Variants in RUVBL1 observed in about 807,000 individuals in gnomAD.
The protein encoded by RUVBL1 is ruvB-like 1.
A neutral mutation model predicts 52.4 loss-of-function variants in RUVBL1; 4 were observed. That is an observed-to-expected ratio of 0.08 (90% CI 0.04 to 0.17). RUVBL1 has a LOEUF of 0.17. RUVBL1 is among the 10% of genes least tolerant of loss of function. The pLI, the probability that RUVBL1 is intolerant of heterozygous loss-of-function variation, is 1.00. For missense variants in RUVBL1, 298 were observed against 572.8 expected, an observed-to-expected ratio of 0.52 and a Z score of 4.90; for synonymous variants, 217 against 214.4, an observed-to-expected ratio of 1.01 and a Z score of -0.10.
chr3:128,102,808 A>T (rs1406564407), intron 4 of RUVBL1, among the ~76,000 whole-genome samples: 2 of 152,228 alleles, frequency 1.3e-5, no homozygotes, highest in African/African-American at 4.8e-5. Flanking sequence ...GTATACTTAA[A>T]ATGGGTGAGT....
chr3:128,102,706 T>G (rs1943133334), intron 4 of RUVBL1, among the ~76,000 whole-genome samples: 1 of 152,218 alleles, frequency 6.6e-6, no homozygotes, highest in African/African-American at 2.4e-5. Context: ...TGTAAATGAG[T>G]AGGAGGATTC....
intron 1 of RUVBL1, among the ~76,000 whole-genome samples, chr3:128,149,777 G>C (rs963286990): frequency 1.3e-5 from 2 of 152,212 alleles, no homozygotes; most frequent in Non-Finnish European, 2.9e-5. Flanking sequence ...CAAGGAGGGA[G>C]ACTTCGGTGA....
intron 3 of RUVBL1, among the ~76,000 whole-genome samples, chr3:128,108,965 C>T (rs1196213427): frequency 6.6e-6 from 1 of 152,164 alleles, no homozygotes; most frequent in Non-Finnish European, 1.5e-5. Context: ...ACAAGGAACA[C>T]ATAAAGTATG....
chr3:128,118,445 G>A (rs1576473785), intron 2 of RUVBL1, among the ~76,000 whole-genome samples: 2 of 152,152 alleles, frequency 1.3e-5, no homozygotes, highest in Non-Finnish European at 1.5e-5. Context: ...AAAAGTTAAG[G>A]GACCTGCCTC....
chr3:128,151,059 TTA>T (rs1193183632), intron 1 of RUVBL1, among the ~76,000 whole-genome samples: 3 of 106,890 alleles, frequency 2.8e-5, no homozygotes, highest in African/African-American at 7.7e-5. Context: ...TCTATATATA[TTA>T]TATGTTCTCT....
upstream of RUVBL1, among the ~76,000 whole-genome samples, chr3:128,125,778 G>C (rs1467929866): frequency 6.6e-6 from 1 of 152,196 alleles, no homozygotes; most frequent in Non-Finnish European, 1.5e-5. Context: ...ACCCCACAAA[G>C]TTGCTTAGCC....
chr3:128,099,986 G>A (rs1943075523), intron 6 of RUVBL1, among the ~76,000 whole-genome samples: 1 of 152,182 alleles, frequency 6.6e-6, no homozygotes, highest in African/African-American at 2.4e-5. Flanking sequence ...TGAGTCTTCA[G>A]TAATCTCTTG....
upstream of RUVBL1, among the ~76,000 whole-genome samples, chr3:128,128,194 G>A (rs1441482647): frequency 6.6e-6 from 1 of 152,078 alleles, no homozygotes; most frequent in Non-Finnish European, 1.5e-5. Flanking sequence ...TGCTGTGTTG[G>A]CTAAGCTGGT....
At chr3:128,086,664 T>C (rs1218783447) in intron 9 of RUVBL1, among the ~76,000 whole-genome samples, 1 of 152,212 alleles carries the variant, frequency 6.6e-6, no homozygotes, top group Non-Finnish European at 1.5e-5. Flanking sequence ...CATCCTGCAC[T>C]TACAGCTCCA....
At chr3:128,124,306 C>T (rs1245361900), upstream of RUVBL1, among the ~76,000 whole-genome samples, 12 of 152,052 alleles carry the variant, frequency 7.9e-5, no homozygotes, top group Admixed American at 7.9e-4. Flanking sequence ...CCTCCATCCT[C>T]CACCGAGAGA....
chr3:128,074,820 C>T (rs1244507250), intron 9 of RUVBL1, among the ~76,000 whole-genome samples: 2 of 106,772 alleles, frequency 1.9e-5, no homozygotes, highest in Admixed American at 1.5e-4. Flanking sequence ...CCAGCCTGGG[C>T]AACAGGAGCG....
chr3:128,140,567 T>C (rs193266929), intron 1 of RUVBL1, among the ~76,000 whole-genome samples: 1 of 152,178 alleles, frequency 6.6e-6, no homozygotes, highest in African/African-American at 2.4e-5. Context: ...TTGATTTATA[T>C]AGTGAGAACA....
At chr3:128,112,680 G>T (rs1157601433) in intron 3 of RUVBL1, among the ~76,000 whole-genome samples, 1 of 152,064 alleles carries the variant, frequency 6.6e-6, no homozygotes, top group African/African-American at 2.4e-5. Context: ...TCACAGCTAG[G>T]GTCCATAGTT....
At chr3:128,114,479 G>A (rs1048717640) in intron 2 of RUVBL1, among the ~76,000 whole-genome samples, 1 of 152,102 alleles carries the variant, frequency 6.6e-6, no homozygotes, top group Non-Finnish European at 1.5e-5. Context: ...CAAATCTCAG[G>A]TGCCCGATTT....
upstream of RUVBL1, among the ~76,000 whole-genome samples, chr3:128,128,227 A>G (rs960180700): frequency 6.6e-6 from 1 of 152,176 alleles, no homozygotes; most frequent in Admixed American, 6.5e-5. Flanking sequence ...AACTCAAGCA[A>G]TCCTCCTGCC....
At chr3:128,130,438 T>A (rs748993495) in intron 1 of RUVBL1, among the ~76,000 whole-genome samples, 5 of 151,824 alleles carry the variant, frequency 3.3e-5, no homozygotes, top group Non-Finnish European at 7.4e-5. Context: ...CCGAATGGCT[T>A]AACTACTGGT....
At chr3:128,126,564 A>G (rs1943796385), upstream of RUVBL1, among the ~76,000 whole-genome samples, 1 of 151,660 alleles carries the variant, frequency 6.6e-6, no homozygotes, top group Non-Finnish European at 1.5e-5. Flanking sequence ...AAAAAAGGTC[A>G]TTGATCTGGC....
chr3:128,116,219 C>A (rs1003761612), intron 2 of RUVBL1, among the ~76,000 whole-genome samples: 1 of 151,418 alleles, frequency 6.6e-6, no homozygotes, highest in Non-Finnish European at 1.5e-5. Flanking sequence ...AAGGGCCACA[C>A]ATGAGTAAAA....
In RUVBL1 at chr3:128,123,808, T is replaced by C. The variant is rs369285372; in HGVS notation, c.-84A>G. 1.3e-5 allele frequency: 19 copies of C among 1,458,394 alleles called. No individual in the cohort carries two copies. In the African/African-American group the frequency reaches 1.8e-4, roughly 14 times the overall value. 90.3% of individuals were successfully genotyped at this position (1,458,394 alleles called of 1,614,324 possible). ...CGGCGCCTGAGTTACCATGCGGCCG[T>C]TACTAGGGCAATTTGCAAAGGCCCG... On this transcript the variant is annotated 5_prime_UTR_variant, in exon 1 of 11. Transcript: ENST00000322623.
Sources: gnomAD v4.1 joint callset for allele counts (sites outside exome capture counted in the v4.1 genomes callset) on GRCh38, gnomAD v4.1.1 for gene constraint, MANE v1.5 for transcripts, NCBI Gene and HGNC (gene_info 2026-07-23, HGNC 2026-07-21) for gene names.